SPIN1: variants seen among roughly 807,000 people sequenced by gnomAD.
The protein encoded by SPIN1 is spindlin-1.
In SPIN1, 3 loss-of-function variants were observed where a neutral mutation model predicts 26.0. The observed-to-expected ratio is 0.12, with a 90% CI of 0.05 to 0.30. The LOEUF (loss-of-function observed/expected upper bound fraction) is 0.30, where lower values mean the gene tolerates loss of function less well. Ranked by LOEUF, SPIN1 falls within the 10% of genes least tolerant of loss-of-function variation. The probability of loss-of-function intolerance (pLI) is 1.00; values close to 1 mark genes in which losing one functional copy is unlikely to be tolerated. For synonymous variants in SPIN1, 101 were observed against 116.5 expected, an observed-to-expected ratio of 0.87 and a Z score of 0.86; for missense variants, 126 against 333.4, an observed-to-expected ratio of 0.38 and a Z score of 4.84.
At chr9:88,407,443 T>C (rs1306638668) in intron 1 of SPIN1, among the ~76,000 whole-genome samples, 1 of 151,718 alleles carries the variant, frequency 6.6e-6, no homozygotes. Context: ...CGGCCTCATC[T>C]TCCTTTTTGA....
At chr9:88,407,714 A>C (rs1318023961) in intron 1 of SPIN1, among the ~76,000 whole-genome samples, 1 of 151,326 alleles carries the variant, frequency 6.6e-6, no homozygotes, top group Non-Finnish European at 1.5e-5. Flanking sequence ...TTTTTGTAAG[A>C]AGTAAACTGT....
At chr9:88,474,170 C>T (rs1290644248) in intron 5 of SPIN1, among the ~76,000 whole-genome samples, 1 of 152,208 alleles carries the variant, frequency 6.6e-6, no homozygotes, top group Non-Finnish European at 1.5e-5. Flanking sequence ...TAGCTGGATC[C>T]TCTGGTTGCC....
rs528090047 is a variant in SPIN1 at position 88,406,013 on chromosome 9, G to A, written c.-159+17475G>A. Among the ~76,000 whole-genome samples the A allele has an allele frequency of 3.5e-3, 502 of 145,472 alleles. 5 individuals carry two copies. Among genetic ancestry groups the A allele is most frequent in the African/African-American group, 0.012 (474 of 39,086 alleles). On this transcript the variant is annotated intron_variant, in intron 1 of 5. Coordinates refer to ENST00000375859, the MANE Select transcript of SPIN1 (RefSeq NM_006717.3). ...GTGCCTGGCTTGTGTGTCTGTGTGT[G>A]TGTGTGTGTGTGTGTGTGTGTGTGT...
At chr9:88,417,068 G>T (rs183794412) in intron 1 of SPIN1, among the ~76,000 whole-genome samples, 74 of 152,318 alleles carry the variant, frequency 4.9e-4, no homozygotes, top group Admixed American at 1.2e-3. Context: ...TTAAATTGCA[G>T]ACATCATGAC....
chr9:88,455,380 G>C (rs1181041460), intron 3 of SPIN1, among the ~76,000 whole-genome samples: 1 of 152,080 alleles, frequency 6.6e-6, no homozygotes, highest in Non-Finnish European at 1.5e-5. Context: ...CGCTTGAACC[G>C]GGGAGACAGA....
intron 3 of SPIN1, among the ~76,000 whole-genome samples, chr9:88,449,689 A>G (rs959632663): frequency 4.6e-5 from 7 of 152,174 alleles, no homozygotes; most frequent in African/African-American, 7.2e-5. Context: ...TAGATTTCAC[A>G]ACTATCTATC....
chr9:88,445,212 T>C (rs1052598688), intron 2 of SPIN1, among the ~76,000 whole-genome samples: 6 of 152,114 alleles, frequency 3.9e-5, no homozygotes, highest in African/African-American at 1.4e-4. Context: ...TTCTTTCTTT[T>C]TTTTCTTTTC....
At chr9:88,464,006 G>A (rs1165380944) in intron 4 of SPIN1, among the ~76,000 whole-genome samples, 1 of 152,186 alleles carries the variant, frequency 6.6e-6, no homozygotes, top group Admixed American at 6.5e-5. Flanking sequence ...ATTGCTGCAT[G>A]ACCTGTGGTT....
intron 4 of SPIN1, among the ~76,000 whole-genome samples, chr9:88,464,448 A>G (rs75040425): frequency 0.019 from 2,941 of 152,336 alleles, 71 homozygotes; most frequent in African/African-American, 0.063. Flanking sequence ...GAAAAAAGTC[A>G]GTCAGCCAGA....
In SPIN1 at chr9:88,468,624, CT is replaced by C; in HGVS notation, c.589+23del. ...GATTCCAGTAAGTATATATTGGCAA[CT>C]TTTATATGTGATAATTAGAAGGGAT... On this transcript the variant is annotated intron_variant, in intron 5 of 5. Coordinates refer to ENST00000375859, the MANE Select transcript of SPIN1 (RefSeq NM_006717.3). 1 of 1,390,190 alleles carries C rather than the reference CT, an allele frequency of 7.2e-7. No homozygotes were observed. The highest frequency in any genetic ancestry group is 9.5e-7 in the Non-Finnish European group (1 of 1,055,440). The allele number at this position is 1,390,190 out of a possible 1,614,324, so 86.1% of individuals were successfully genotyped here. A position where few individuals can be genotyped will look rare whatever the true frequency, so the allele number is the denominator to read the frequency against.
chr9:88,478,520 G>A lies in SPIN1; in HGVS notation c.*3243G>A, dbSNP rs1828926252. The A allele has an allele frequency of 6.6e-6, 1 of 152,580 alleles. No homozygotes were observed. Among genetic ancestry groups the A allele is most frequent in the Non-Finnish European group, 1.5e-5 (1 of 68,032 alleles). The allele number at this position is 152,580 out of a possible 1,614,324, so 9.5% of individuals were successfully genotyped here. On this transcript the variant is annotated 3_prime_UTR_variant, in exon 6 of 6. Coordinates refer to ENST00000375859, the MANE Select transcript of SPIN1 (RefSeq NM_006717.3). The stretch of plus-strand genomic sequence containing the variant: ...TTAGGTAAATGACCTCATCTTTCAA[G>A]CTTGAATTCATTTTTAATTTTAATT...
Position 88,398,770 on chromosome 9 carries a change from C to G in SPIN1, c.-159+10232C>G, listed in dbSNP as rs904821310. On this transcript the variant is annotated intron_variant, in intron 1 of 5. Transcript: ENST00000375859. ...TTGTATTTTCAGTAGAAACGGGTTTCTCCATGTTGGTCAGGCTGGTCTTGA... is the reference window on the plus strand; with the variant it reads ...TTGTATTTTCAGTAGAAACGGGTTTGTCCATGTTGGTCAGGCTGGTCTTGA... Among the ~76,000 whole-genome samples, 11 of 151,862 alleles carry G rather than the reference C, an allele frequency of 7.2e-5. 1 individual carries two copies. Among genetic ancestry groups the G allele is most frequent in the Admixed American group, 7.2e-4 (11 of 15,190 alleles).
At position 88,475,208 on chromosome 9, in the gene SPIN1, C is replaced by T; in HGVS notation, c.720C>T (p.Pro240=). 1 of 1,613,914 alleles carries T rather than the reference C, an allele frequency of 6.2e-7. No homozygotes were observed. The highest frequency in any genetic ancestry group is 1.1e-5 in the South Asian group (1 of 91,072). Residue 240 remains proline (P), a synonymous_variant, in exon 6 of 6, where the codon CCC becomes CCT. Coordinates refer to ENST00000375859, the MANE Select transcript of SPIN1 (RefSeq NM_006717.3). ...GMVIHQVEAK[P]SVYFIKFDDD... is the part of the protein sequence containing the mutation. ...TCATTCATCAAGTAGAAGCCAAGCC[C>T]TCCGTCTATTTCATCAAGTTTGATG...
chr9:88,414,836 A>G (rs921541845), intron 1 of SPIN1, among the ~76,000 whole-genome samples: 7 of 152,192 alleles, frequency 4.6e-5, no homozygotes, highest in African/African-American at 1.4e-4. Context: ...GTCCTTATAA[A>G]TTTTGACCAC....
At chr9:88,464,727 G>T (rs1828628144) in intron 4 of SPIN1, among the ~76,000 whole-genome samples, 1 of 151,726 alleles carries the variant, frequency 6.6e-6, no homozygotes, top group Middle Eastern at 3.2e-3. Context: ...GCTATTCAAA[G>T]TGCAAGACTA....
Position 88,471,654 on chromosome 9 carries a change from CA to C in SPIN1, c.589+3074del, listed in dbSNP as rs1166469042. Among the ~76,000 whole-genome samples, 327 of 59,730 alleles carry C rather than the reference CA, an allele frequency of 5.5e-3. 4 individuals are homozygous for C. The highest frequency in any genetic ancestry group is 0.015 in the African/African-American group (227 of 14,802). The allele number at this position is 59,730 out of a possible 152,430, so 39.2% of individuals were successfully genotyped here. A position where few individuals can be genotyped will look rare whatever the true frequency, so the allele number is the denominator to read the frequency against. ...TGGGCAACAGAGCGAGACTCTGTCT[CA>C]AAAAAAAAAAAAAAAAAAAAAAAAG... On this transcript the variant is annotated intron_variant, in intron 5 of 5. Transcript: ENST00000375859.
intron 1 of SPIN1, among the ~76,000 whole-genome samples, chr9:88,422,976 T>C (rs1431227129): frequency 6.6e-6 from 1 of 152,170 alleles, no homozygotes; most frequent in Admixed American, 6.5e-5. Flanking sequence ...CCCAAAATGC[T>C]GGGATTACAG....
intron 1 of SPIN1, among the ~76,000 whole-genome samples, chr9:88,396,060 A>G (rs1263401680): frequency 1.3e-5 from 2 of 149,396 alleles, no homozygotes; most frequent in African/African-American, 2.5e-5. Context: ...AACAACAGCA[A>G]CAACAACAAA....
intron 3 of SPIN1, among the ~76,000 whole-genome samples, chr9:88,462,025 G>A (rs999577150): frequency 3.9e-5 from 6 of 152,130 alleles, no homozygotes; most frequent in Non-Finnish European, 7.3e-5. Context: ...ATTTGGGCAC[G>A]GGAATGGGTG....
Sources: allele counts gnomAD v4.1 joint callset (sites outside exome capture counted in the v4.1 genomes callset), GRCh38; gene constraint gnomAD v4.1.1; transcripts MANE v1.5; gene names NCBI Gene and HGNC (gene_info 2026-07-23, HGNC 2026-07-21).